Variants in CHM observed in about 807,000 individuals in gnomAD.
CHM encodes rab proteins geranylgeranyltransferase component A 1.
CHM carries 10 observed loss-of-function variants against 49.0 expected under a neutral mutation model. The observed-to-expected ratio is 0.20, with a 90% CI of 0.13 to 0.35. CHM has a LOEUF of 0.35. Among genes scored for constraint, CHM ranks in the 10% least tolerant of loss-of-function variants. CHM has a pLI of 1.00. For synonymous variants in CHM, 184 were observed against 167.5 expected (o/e 1.10, Z -0.76); for missense variants, 455 against 478.4 (o/e 0.95, Z 0.46).
chrX:85,935,703 G>A (rs192161861), intron 8 of CHM, among the ~76,000 whole-genome samples: 1 of 112,161 alleles, frequency 8.9e-6, no homozygotes, highest in East Asian at 2.8e-4. Context: ...GTGGTCTGTT[G>A]TTGACTGAAA....
chrX:85,910,735 C>A (rs941871524), intron 9 of CHM, among the ~76,000 whole-genome samples: 1 of 110,794 alleles, frequency 9.0e-6, no homozygotes, highest in Non-Finnish European at 1.9e-5. Flanking sequence ...CTTGGAGTGA[C>A]ATGCATTATC....
At chrX:86,009,804 G>T (rs1382689497) in intron 2 of CHM, among the ~76,000 whole-genome samples, 4 of 111,008 alleles carry the variant, frequency 3.6e-5, no homozygotes, top group African/African-American at 1.3e-4. Context: ...AAAAATATCA[G>T]CATAGGAAAA....
intron 2 of CHM, among the ~76,000 whole-genome samples, chrX:86,014,960 T>C (rs1933227446): frequency 8.9e-6 from 1 of 111,922 alleles, no homozygotes; most frequent in African/African-American, 3.2e-5. Flanking sequence ...GTCACCAAAA[T>C]GCTACATAAC....
At chrX:86,029,815 A>C (rs1168418231) in intron 1 of CHM, among the ~76,000 whole-genome samples, 1 of 111,340 alleles carries the variant, frequency 9.0e-6, no homozygotes, top group Admixed American at 9.5e-5. Context: ...AACCTCAGAT[A>C]AGTCACTTGA....
intron 1 of CHM, among the ~76,000 whole-genome samples, chrX:86,031,025 CAT>C (rs780560122): frequency 1.6e-4 from 18 of 110,941 alleles, no homozygotes; most frequent in East Asian, 5.7e-4. Context: ...GTTGTTTTCA[CAT>C]GTTACCCATT....
chrX:85,884,377 T>A (rs755933033), intron 12 of CHM, among the ~76,000 whole-genome samples: 1 of 111,042 alleles, frequency 9.0e-6, no homozygotes, highest in East Asian at 2.8e-4. Context: ...TTAAGTAACA[T>A]TGATACTAAT....
chrX:85,909,899 A>G (rs1291804901), intron 9 of CHM, among the ~76,000 whole-genome samples: 2 of 111,949 alleles, frequency 1.8e-5, no homozygotes, highest in Non-Finnish European at 3.8e-5. Context: ...AAATGAATGC[A>G]CAAAGAAAAA....
At chrX:85,996,479 C>T (rs1024587956) in intron 2 of CHM, among the ~76,000 whole-genome samples, 4 of 111,431 alleles carry the variant, frequency 3.6e-5, no homozygotes, top group Non-Finnish European at 5.6e-5. Flanking sequence ...AAAAGGATTA[C>T]GGAGGAAAAT....
At chrX:86,010,709 G>A (rs751657059) in intron 2 of CHM, among the ~76,000 whole-genome samples, 2 of 111,791 alleles carry the variant, frequency 1.8e-5, no homozygotes, top group South Asian at 7.5e-4. Flanking sequence ...CTATTCAAAA[G>A]CAGAACTTAA....
At chrX:85,926,164 G>A (rs1357280763) in intron 8 of CHM, among the ~76,000 whole-genome samples, 1 of 110,359 alleles carries the variant, frequency 9.1e-6, no homozygotes, top group African/African-American at 3.3e-5. Context: ...TCTTGGCAAA[G>A]CCTACTGTAA....
At chrX:85,919,372 TATA>T (rs1257290036) in intron 8 of CHM, among the ~76,000 whole-genome samples, 22 of 111,859 alleles carry the variant, frequency 2.0e-4, no homozygotes, top group African/African-American at 7.1e-4. Context: ...TATGAAATAG[TATA>T]ATGTTTATGA....
At chrX:85,961,975 C>T (rs1930320257) in intron 5 of CHM, among the ~76,000 whole-genome samples, 1 of 112,128 alleles carries the variant, frequency 8.9e-6, no homozygotes, top group Non-Finnish European at 1.9e-5. Context: ...CCAATTCCTA[C>T]AATTGAAACA....
At position 85,904,501 on chromosome X, in the gene CHM, T is replaced by C. The variant is rs928936503; in HGVS notation, c.1245-3313A>G. Among the ~76,000 whole-genome samples, 3 of 111,943 alleles carry C rather than the reference T, an allele frequency of 2.7e-5. No individual in the cohort carries two copies. The East Asian group carries it at 8.4e-4, about 31-fold the overall frequency. On this transcript the variant is annotated intron_variant, in intron 9 of 14. Transcript: ENST00000357749. ...AGAGGAAAAATAACACTAAAACAAGTATTCAATCTCTGTGATCTTCAGAAT... is the reference window on the plus strand; with the variant it reads ...AGAGGAAAAATAACACTAAAACAAGCATTCAATCTCTGTGATCTTCAGAAT...
chrX:85,976,546 TG>T (rs1931269558), intron 4 of CHM, among the ~76,000 whole-genome samples: 1 of 108,423 alleles, frequency 9.2e-6, no homozygotes, highest in South Asian at 4.2e-4. Flanking sequence ...GGCATGAACC[TG>T]GGAGGCGGAG....
At chrX:85,941,480 C>T (rs868138852) in intron 8 of CHM, among the ~76,000 whole-genome samples, 14 of 111,867 alleles carry the variant, frequency 1.3e-4, no homozygotes, top group Admixed American at 1.9e-4. Flanking sequence ...ATTCATTAAT[C>T]CATCAAATAC....
chrX:86,034,634 G>T (rs747026508), intron 1 of CHM, among the ~76,000 whole-genome samples: 2 of 110,707 alleles, frequency 1.8e-5, no homozygotes, highest in Non-Finnish European at 3.8e-5. Flanking sequence ...TACAAAAATA[G>T]CCAGGCATGG....
intron 3 of CHM, among the ~76,000 whole-genome samples, chrX:85,981,431 G>A (rs1439737288): frequency 1.8e-5 from 2 of 108,515 alleles, no homozygotes; most frequent in Non-Finnish European, 3.8e-5. Context: ...ATGGGATTTC[G>A]CCATGTTGGC....
At chrX:85,906,992 C>T (rs901348949) in intron 9 of CHM, among the ~76,000 whole-genome samples, 7 of 110,762 alleles carry the variant, frequency 6.3e-5, no homozygotes, top group African/African-American at 2.0e-4. Context: ...ATTAGCCAAG[C>T]GTGGTCACGG....
At chrX:86,013,643 G>A (rs1284156898) in intron 2 of CHM, among the ~76,000 whole-genome samples, 3 of 108,563 alleles carry the variant, frequency 2.8e-5, no homozygotes, top group Non-Finnish European at 3.8e-5. Flanking sequence ...GCTGAGGCAG[G>A]AGAACTGCCT....
Sources: allele counts gnomAD v4.1 joint callset (sites outside exome capture counted in the v4.1 genomes callset), GRCh38; gene constraint gnomAD v4.1.1; transcripts MANE v1.5; gene names NCBI Gene and HGNC (gene_info 2026-07-23, HGNC 2026-07-21).